The following MCPH1 variants were observed in gnomAD, a reference collection of about 807,000 sequenced individuals.
The protein encoded by MCPH1 is microcephalin 1, also known as microcephalin.
MCPH1 carries 104 observed loss-of-function variants against 84.5 expected under a neutral mutation model. The observed-to-expected ratio is 1.23, with a 90% confidence interval of 1.05 to 1.45. The LOEUF (loss-of-function observed/expected upper bound fraction) is 1.45. MCPH1 is among the 40% of genes most tolerant of loss of function. MCPH1 has a pLI of 0.00. For synonymous variants in MCPH1, 514 were observed against 366.8 expected (o/e 1.40, Z -4.58); for missense variants, 1,498 against 1,005.7 (o/e 1.49, Z -6.62).
At chr8:6,552,334 G>T (rs1166968985) in intron 12 of MCPH1, among the ~76,000 whole-genome samples, 1 of 152,180 alleles carries the variant, frequency 6.6e-6, no homozygotes, top group Non-Finnish European at 1.5e-5. Flanking sequence ...GCAGTGTGTT[G>T]CCCAATGACA....
chr8:6,411,063 C>G (rs868197799), intron 2 of MCPH1, among the ~76,000 whole-genome samples: 1 of 152,104 alleles, frequency 6.6e-6, no homozygotes, highest in Admixed American at 6.5e-5. Context: ...GCACTCCAGC[C>G]TGGGCGACGG....
intron 13 of MCPH1, among the ~76,000 whole-genome samples, chr8:6,637,722 G>C (rs1311710225): frequency 6.6e-6 from 1 of 152,056 alleles, no homozygotes; most frequent in East Asian, 1.9e-4. Context: ...TGAACTCCTG[G>C]GCTCAACGGA....
intron 12 of MCPH1, among the ~76,000 whole-genome samples, chr8:6,520,733 C>T (rs1817167908): frequency 6.6e-6 from 1 of 152,086 alleles, no homozygotes; most frequent in African/African-American, 2.4e-5. Context: ...CAAAGTGAAA[C>T]AATAATAAGG....
chr8:6,437,304 C>A (rs1253691479), intron 5 of MCPH1, among the ~76,000 whole-genome samples: 2 of 152,068 alleles, frequency 1.3e-5, no homozygotes, highest in African/African-American at 4.8e-5. Flanking sequence ...GATCTTGGCT[C>A]ACTACAACCT....
intron 11 of MCPH1, among the ~76,000 whole-genome samples, chr8:6,493,016 C>T (rs1355966760): frequency 2.6e-5 from 4 of 152,062 alleles, no homozygotes; most frequent in African/African-American, 9.7e-5. Flanking sequence ...GGTTTATTGT[C>T]TGTGTTGGTA....
intron 12 of MCPH1, among the ~76,000 whole-genome samples, chr8:6,576,722 T>TTTTTTTTTTTTC (rs1563148341): frequency 2.2e-5 from 2 of 91,506 alleles, no homozygotes; most frequent in African/African-American, 1.0e-4. Context: ...TTTTTTTTTT[T>TTTTTTTTTTTTC]TTTTTAGTAG....
At chr8:6,512,403 T>C (rs1322432665) in intron 12 of MCPH1, among the ~76,000 whole-genome samples, 3 of 152,198 alleles carry the variant, frequency 2.0e-5, no homozygotes, top group Non-Finnish European at 4.4e-5. Flanking sequence ...ATTAATGAGA[T>C]GAAGACGAGA....
At chr8:6,524,059 A>G (rs549122944) in intron 12 of MCPH1, among the ~76,000 whole-genome samples, 2 of 152,370 alleles carry the variant, frequency 1.3e-5, no homozygotes, top group African/African-American at 2.4e-5. Flanking sequence ...CTTTCAAAAT[A>G]TAGACACTTT....
intron 3 of MCPH1, among the ~76,000 whole-genome samples, chr8:6,416,748 C>A (rs1024099605): frequency 6.6e-6 from 1 of 152,092 alleles, no homozygotes; most frequent in African/African-American, 2.4e-5. Flanking sequence ...AATTCCAGCA[C>A]TTTGGGAGGC....
At chr8:6,578,288 C>T (rs1827276338) in intron 12 of MCPH1, among the ~76,000 whole-genome samples, 1 of 152,196 alleles carries the variant, frequency 6.6e-6, no homozygotes, top group African/African-American at 2.4e-5. Flanking sequence ...TTCACTATTC[C>T]ATATCAATTC....
intron 4 of MCPH1, among the ~76,000 whole-genome samples, chr8:6,431,894 C>G (rs1335233810): frequency 6.6e-6 from 1 of 152,196 alleles, no homozygotes; most frequent in Non-Finnish European, 1.5e-5. Context: ...TTTGTTATAT[C>G]TGTAGCCAAA....
chr8:6,484,255 T>A (rs1271407605), intron 11 of MCPH1, among the ~76,000 whole-genome samples: 1 of 152,170 alleles, frequency 6.6e-6, no homozygotes, highest in Non-Finnish European at 1.5e-5. Context: ...AGAAAAGATT[T>A]GAATAGACAG....
intron 12 of MCPH1, among the ~76,000 whole-genome samples, chr8:6,612,054 C>T (rs931475228): frequency 2.6e-5 from 4 of 152,188 alleles, no homozygotes; most frequent in Non-Finnish European, 4.4e-5. Context: ...TCCTCTGGCA[C>T]TCGGCCCCCA....
intron 12 of MCPH1, chr8:6,532,246 A>T: frequency 6.7e-7 from 1 of 1,501,684 alleles, no homozygotes; most frequent in Non-Finnish European, 9.1e-7. Context: ...TTAGTTTCTC[A>T]TGCCTTCATT....
intron 12 of MCPH1, among the ~76,000 whole-genome samples, chr8:6,531,973 A>G (rs1819602823): frequency 6.6e-6 from 1 of 152,130 alleles, no homozygotes; most frequent in Non-Finnish European, 1.5e-5. Context: ...TCATTTCTCA[A>G]ATGTTCAAAG....
intron 12 of MCPH1, among the ~76,000 whole-genome samples, chr8:6,586,978 G>A (rs929868419): frequency 6.6e-6 from 1 of 152,004 alleles, no homozygotes; most frequent in Admixed American, 6.6e-5. Flanking sequence ...CCCGTTGCAG[G>A]CAGCCTGCAG....
At chr8:6,472,476 G>C (rs1807861942) in intron 9 of MCPH1, among the ~76,000 whole-genome samples, 1 of 151,810 alleles carries the variant, frequency 6.6e-6, no homozygotes, top group African/African-American at 2.4e-5. Flanking sequence ...GTTTTGTTTT[G>C]TTTTTTTGAG....
chr8:6,626,278 C>CA, intron 13 of MCPH1: 1 of 985,354 alleles, frequency 1.0e-6, no homozygotes, highest in South Asian at 4.7e-5. Context: ...AGCCACGCCT[C>CA]ACTCACTTGC....
At position 6,484,410 on chromosome 8, in the gene MCPH1, G is replaced by C. The variant is rs533806189; in HGVS notation, c.2136+3534G>C. Among the ~76,000 whole-genome samples the C allele has an allele frequency of 4.6e-5, 7 of 152,360 alleles. No individual in the cohort carries two copies. The South Asian group carries it at 1.2e-3, about 27-fold the overall frequency. On this transcript the variant is annotated intron_variant, in intron 11 of 13. Transcript: ENST00000344683. ...ACAGTCGCACTCTAGCAAGGAGCCA[G>C]GGCAGCTGGAACGGCTGCTGGTGTG...
Sources: allele counts gnomAD v4.1 joint callset (sites outside exome capture counted in the v4.1 genomes callset), GRCh38; gene constraint gnomAD v4.1.1; transcripts MANE v1.5; gene names NCBI Gene and HGNC (gene_info 2026-07-23, HGNC 2026-07-21).